PIK3CA: variants seen among roughly 807,000 people sequenced by gnomAD.
PIK3CA encodes phosphatidylinositol-4,5-bisphosphate 3-kinase catalytic subunit alpha, also known as phosphatidylinositol 4,5-bisphosphate 3-kinase catalytic subunit alpha isoform.
Under a neutral mutation model 138.2 loss-of-function variants are expected in PIK3CA, and 27 were observed. The ratio of observed to expected loss-of-function variants is 0.20; its 90% CI spans 0.14 to 0.27. The LOEUF is 0.27. PIK3CA is among the 10% of genes least tolerant of loss of function. The pLI is 1.00. For synonymous variants in PIK3CA, 358 were observed against 413.2 expected (o/e 0.87, Z 1.62); for missense variants, 544 against 1,277.4 (o/e 0.43, Z 8.75).
At position 179,239,487 on chromosome 3, in the gene PIK3CA, T is replaced by C; in HGVS notation, c.*5123T>C. On this transcript the variant is annotated 3_prime_UTR_variant, in exon 21 of 21. Coordinates refer to ENST00000263967, the MANE Select transcript of PIK3CA (RefSeq NM_006218.4). ...TCATTTTTAAAAGTCCCTTGTTCAA[T>C]TTAACTTATGTTCCTAAGAGAGGTT... 1 of 208,072 alleles carries C rather than the reference T, an allele frequency of 4.8e-6. No homozygotes were observed. Among genetic ancestry groups the C allele is most frequent in the Admixed American group, 5.9e-5 (1 of 16,940 alleles). 12.9% of individuals were successfully genotyped at this position (208,072 alleles called of 1,614,324 possible).
intron 1 of PIK3CA, among the ~76,000 whole-genome samples, chr3:179,197,130 C>G (rs1214751649): frequency 6.6e-6 from 1 of 152,060 alleles, no homozygotes; most frequent in East Asian, 1.9e-4. Flanking sequence ...CCTCTGCCTC[C>G]CAGGTTTAAG....
At chr3:179,195,936 A>T (rs1167013655) in intron 1 of PIK3CA, among the ~76,000 whole-genome samples, 1 of 152,198 alleles carries the variant, frequency 6.6e-6, no homozygotes, top group Non-Finnish European at 1.5e-5. Context: ...TCTGACAAAT[A>T]AAAAAGCTGT....
chr3:179,229,499 G>A (rs1259272614), intron 18 of PIK3CA, 57 bp downstream of exon 18: 1 of 1,346,748 alleles, frequency 7.4e-7, no homozygotes, highest in African/African-American at 1.5e-5. Flanking sequence ...AGATGAGTCT[G>A]TCGGTGTTTG....
chr3:179,175,134 G>A (rs1723663973), intron 1 of PIK3CA, among the ~76,000 whole-genome samples: 1 of 152,096 alleles, frequency 6.6e-6, no homozygotes, highest in South Asian at 2.1e-4. Context: ...TACCTTCATG[G>A]TTGACTACCT....
Position 179,199,794 on chromosome 3 carries a change from C to A in PIK3CA, c.457C>A (p.Leu153Ile), listed in dbSNP as rs1724363410. 8 of 1,612,124 alleles carry A rather than the reference C, an allele frequency of 5.0e-6. No homozygotes were observed. The highest frequency in any genetic ancestry group is 6.8e-6 in the Non-Finnish European group (8 of 1,178,340). ...ILNVCKEAVD[L>I]RDLNSPHSRA... ...GAACGTTTGTAAAGAAGCTGTGGAT[C>A]TTAGGGACCTCAATTCACCTCATAG... The change falls in exon 3 of 21, where the codon CTT becomes ATT. Residue 153 changes from leucine to isoleucine, a missense_variant. By Grantham distance (5) the Leu-to-Ile change is conservative. This residue lies in a region of PIK3CA where 234 missense variants were observed against 401.3 expected (regional missense o/e 0.58). Coordinates refer to ENST00000263967, the MANE Select transcript of PIK3CA (RefSeq NM_006218.4).
In PIK3CA at chr3:179,221,820, A is replaced by G. The variant is rs1410487668; in HGVS notation, c.2187+663A>G. On this transcript the variant is annotated intron_variant, in intron 14 of 20. Coordinates refer to ENST00000263967, the MANE Select transcript of PIK3CA (RefSeq NM_006218.4). ...CCTCCTGGGTTCAAGCCATCCTCCCACCTCAGCCTCCTGAGTAGCTAGGAC... is the reference window on the plus strand; with the variant it reads ...CCTCCTGGGTTCAAGCCATCCTCCCGCCTCAGCCTCCTGAGTAGCTAGGAC... Among the ~76,000 whole-genome samples, 3 of 139,276 alleles carry G rather than the reference A, an allele frequency of 2.2e-5. No individual in the cohort carries two copies. The Admixed American group carries it at 2.4e-4, about 11-fold the overall frequency. The allele number at this position is 139,276 out of a possible 152,430, so 91.4% of individuals were successfully genotyped here.
intron 9 of PIK3CA, 83 bp downstream of exon 9, chr3:179,210,648 T>C (rs2108402027): frequency 7.5e-7 from 1 of 1,325,132 alleles, no homozygotes. Flanking sequence ...AAAGGATCCA[T>C]ATATTTTACT....
intron 1 of PIK3CA, among the ~76,000 whole-genome samples, chr3:179,154,027 A>G (rs1236564870): frequency 1.3e-5 from 2 of 152,172 alleles, no homozygotes; most frequent in Non-Finnish European, 2.9e-5. Context: ...AGGACTTTTT[A>G]GGTGTTCTTT....
chr3:179,153,881 A>C (rs891995701), intron 1 of PIK3CA, among the ~76,000 whole-genome samples: 5 of 152,220 alleles, frequency 3.3e-5, no homozygotes, highest in African/African-American at 1.2e-4. Context: ...TATATAGTTA[A>C]AGTCTGAGGA....
intron 1 of PIK3CA, among the ~76,000 whole-genome samples, chr3:179,195,565 G>A (rs1236487226): frequency 6.6e-6 from 1 of 151,840 alleles, no homozygotes; most frequent in Non-Finnish European, 1.5e-5. Context: ...TAGACTAAGG[G>A]GGCCAAAATT....
chr3:179,198,889 G>A lies in PIK3CA; in HGVS notation c.64G>A (p.Val22Ile), dbSNP rs748316866. ...GIHLMPPRIL[V>I]ECLLPNGMIV... ...CCACTTGATGCCCCCAAGAATCCTA[G>A]TAGAATGTTTACTACCAAATGGAAT... Residue 22 changes from valine (V) to isoleucine (I), a missense_variant, in exon 2 of 21, where the codon GTA (valine) becomes ATA (isoleucine). Val to Ile is a conservative substitution (Grantham distance 29, BLOSUM62 3). This residue lies in a region of PIK3CA where 47 missense variants were observed against 84.0 expected (regional missense o/e 0.56). Coordinates refer to ENST00000263967, the MANE Select transcript of PIK3CA (RefSeq NM_006218.4). 6.2e-7 allele frequency: 1 copy of A among 1,604,798 alleles called. No homozygotes were observed. Among genetic ancestry groups the A allele is most frequent in the Non-Finnish European group, 8.5e-7 (1 of 1,176,964 alleles).
Position 179,233,955 on chromosome 3 carries a change from A to C in PIK3CA, c.2937-139A>C, listed in dbSNP as rs1192077741. The C allele has an allele frequency of 7.0e-5, 42 of 596,328 alleles. No individual in the cohort carries two copies. In the East Asian group the frequency reaches 1.1e-3, roughly 16 times the overall value. 36.9% of individuals were successfully genotyped at this position (596,328 alleles called of 1,614,324 possible). A position where few individuals can be genotyped will look rare whatever the true frequency, so the allele number is the denominator to read the frequency against. The stretch of plus-strand genomic sequence containing the variant: ...GTAAAGGGAATCAAAAGATGTTGGT[A>C]AGAGAAGTGAGAGAGGAATGCTATT... On this transcript the variant is annotated intron_variant, in intron 20 of 20. Coordinates refer to ENST00000263967, the MANE Select transcript of PIK3CA (RefSeq NM_006218.4).
At chr3:179,164,512 C>G (rs1723367024) in intron 1 of PIK3CA, among the ~76,000 whole-genome samples, 1 of 152,178 alleles carries the variant, frequency 6.6e-6, no homozygotes, top group African/African-American at 2.4e-5. Flanking sequence ...TTTCACATCT[C>G]TATTTTATGC....
chr3:179,205,505 T>C (rs1160702145), intron 6 of PIK3CA, among the ~76,000 whole-genome samples: 2 of 152,118 alleles, frequency 1.3e-5, no homozygotes, highest in Non-Finnish European at 2.9e-5. Flanking sequence ...GAAGTAAGAG[T>C]TGGCAAGCAA....
intron 1 of PIK3CA, among the ~76,000 whole-genome samples, chr3:179,187,259 C>T (rs1288771362): frequency 2.0e-5 from 3 of 151,866 alleles, no homozygotes; most frequent in African/African-American, 4.8e-5. Context: ...AAAGGGAGGC[C>T]GGGTGCGGTG....
At position 179,224,082 on chromosome 3, in the gene PIK3CA, T is replaced by C; in HGVS notation, c.2189T>C (p.Val730Ala). ...KQEKKDETQK[V>A]QMKFLVEQMR... ...TGACTATCCTTTTTTTTTAATCAGGTACAGATGAAGTTTTTAGTTGAGCAA... is the reference window on the plus strand; with the variant it reads ...TGACTATCCTTTTTTTTTAATCAGGCACAGATGAAGTTTTTAGTTGAGCAA... The change falls in exon 15 of 21, where the codon GTA becomes GCA. Residue 730 changes from valine (V) to alanine (A), a missense_variant and splice_region_variant. Coordinates refer to ENST00000263967, the MANE Select transcript of PIK3CA (RefSeq NM_006218.4). 1 of 1,554,812 alleles carries C rather than the reference T, an allele frequency of 6.4e-7. No individual in the cohort carries two copies. Among genetic ancestry groups the C allele is most frequent in the Non-Finnish European group, 8.9e-7 (1 of 1,127,596 alleles).
intron 6 of PIK3CA, 150 bp downstream of exon 6, chr3:179,204,738 C>T (rs1724513083): frequency 6.2e-6 from 3 of 484,698 alleles, no homozygotes; most frequent in Non-Finnish European, 1.2e-5. Context: ...TAGCTAGGCA[C>T]TGGCCAGGCA....
intron 1 of PIK3CA, among the ~76,000 whole-genome samples, chr3:179,151,377 G>A (rs1723010079): frequency 6.6e-6 from 1 of 152,110 alleles, no homozygotes; most frequent in Non-Finnish European, 1.5e-5. Flanking sequence ...AGAAATTAGG[G>A]CCCAAGGAGG....
intron 1 of PIK3CA, among the ~76,000 whole-genome samples, chr3:179,191,155 G>A (rs1291838974): frequency 2.0e-5 from 3 of 152,194 alleles, no homozygotes; most frequent in Non-Finnish European, 4.4e-5. Context: ...GAGAGAAGAT[G>A]AAGAGACAGA....
Sources: gnomAD v4.1 joint callset for allele counts (sites outside exome capture counted in the v4.1 genomes callset) on GRCh38, gnomAD v4.1.1 for gene constraint, gnomAD v4.1.1 regional missense constraint, MANE v1.5 for transcripts, NCBI Gene and HGNC (gene_info 2026-07-23, HGNC 2026-07-21) for gene names.